Variants in TMEM178B observed in about 807,000 individuals in gnomAD.
The protein encoded by TMEM178B is transmembrane protein 178B.
Under a neutral mutation model 31.0 loss-of-function variants are expected in TMEM178B, and 5 were observed. That is an observed-to-expected ratio of 0.16 (90% CI 0.08 to 0.34). The LOEUF is 0.34. Ranked by LOEUF, TMEM178B falls within the 10% of genes least tolerant of loss-of-function variation. TMEM178B has a pLI of 1.00. For synonymous variants in TMEM178B, 164 were observed against 164.0 expected, an observed-to-expected ratio of 1.00 and a Z score of 0.00; for missense variants, 275 against 400.3, an observed-to-expected ratio of 0.69 and a Z score of 2.67.
chr7:141,460,963 G>T (rs770486463), intron 3 of TMEM178B, among the ~76,000 whole-genome samples: 1 of 152,202 alleles, frequency 6.6e-6, no homozygotes, highest in Non-Finnish European at 1.5e-5. Flanking sequence ...TGATGCAATC[G>T]TGTATAATTC....
chr7:141,391,803 A>G (rs1800547627), intron 2 of TMEM178B, among the ~76,000 whole-genome samples: 1 of 152,092 alleles, frequency 6.6e-6, no homozygotes, highest in Non-Finnish European at 1.5e-5. Context: ...TGAGTGGCTC[A>G]TTTCACTTAG....
intron 2 of TMEM178B, among the ~76,000 whole-genome samples, chr7:141,332,556 T>C (rs983834845): frequency 3.9e-5 from 6 of 152,364 alleles, no homozygotes; most frequent in South Asian, 4.1e-4. Flanking sequence ...CCTCATCATG[T>C]GAATGTCACG....
intron 2 of TMEM178B, among the ~76,000 whole-genome samples, chr7:141,227,096 G>C (rs1205602001): frequency 1.3e-5 from 2 of 152,184 alleles, no homozygotes; most frequent in Admixed American, 6.5e-5. Context: ...TGGGCAGTGA[G>C]AGAGACACCT....
rs187184341 is a variant in TMEM178B at position 141,414,331 on chromosome 7, G to A, written c.497-23277G>A. The A allele has an allele frequency of 2.3e-4, 4 of 17,480 alleles. 1 individual carries two copies. Among genetic ancestry groups the A allele is most frequent in the Non-Finnish European group, 3.7e-4 (4 of 10,746 alleles). The allele number at this position is 17,480 out of a possible 1,614,324, so 1.1% of individuals were successfully genotyped here. ...GATCTCCTGACCTTGTGATCCGCCC[G>A]CCTCGGCCTCCCAAAGTGCTGGGAT... On this transcript the variant is annotated intron_variant, in intron 2 of 3. Coordinates refer to ENST00000565468, the MANE Select transcript of TMEM178B (RefSeq NM_001195278.2).
intron 3 of TMEM178B, among the ~76,000 whole-genome samples, chr7:141,453,415 T>A (rs1801903819): frequency 6.6e-6 from 1 of 152,274 alleles, no homozygotes; most frequent in Non-Finnish European, 1.5e-5. Context: ...TATCACACTC[T>A]TAATTATCTG....
At chr7:141,499,464 CAAA>C in the TMEM178B span, among the ~76,000 whole-genome samples, 6 of 50,710 alleles carry the variant, frequency 1.2e-4, no homozygotes, top group Admixed American at 6.2e-4. Flanking sequence ...CACATCTCTA[CAAA>C]AAAAAAAAAA....
At chr7:141,241,115 G>A (rs1445781568) in intron 2 of TMEM178B, among the ~76,000 whole-genome samples, 1 of 149,296 alleles carries the variant, frequency 6.7e-6, no homozygotes, top group African/African-American at 2.5e-5. Flanking sequence ...CCCGTCACCC[G>A]AGTAGTGTAC....
At chr7:141,166,577 G>A (rs1796265440) in intron 1 of TMEM178B, among the ~76,000 whole-genome samples, 1 of 152,224 alleles carries the variant, frequency 6.6e-6, no homozygotes, top group Non-Finnish European at 1.5e-5. Flanking sequence ...CTACTGACAA[G>A]AGGGGATAGG....
rs1041691754 is a variant in TMEM178B, at chr7:141,476,797, A to C, written c.*6011A>C. The stretch of plus-strand genomic sequence containing the variant: ...GATCAAGTGTCCTTGTGAGGGTGAG[A>C]CTTCCTTCAAGGGAAGGGAAGCCAT... On this transcript the variant is annotated 3_prime_UTR_variant, in exon 4 of 4. Transcript: ENST00000565468. 1 of 154,258 alleles carries C rather than the reference A, an allele frequency of 6.5e-6. No homozygotes were observed. The allele number at this position is 154,258 out of a possible 1,614,324, so 9.6% of individuals were successfully genotyped here.
intron 2 of TMEM178B, among the ~76,000 whole-genome samples, chr7:141,377,108 T>C (rs1416561498): frequency 6.6e-6 from 1 of 152,076 alleles, no homozygotes; most frequent in South Asian, 2.1e-4. Flanking sequence ...GATTTTTAAT[T>C]TTTACTTGTC....
In TMEM178B at chr7:141,476,933, C is replaced by G. The variant is rs1802381300; in HGVS notation, c.*6147C>G. ...AACTGGGTCTGAACATGAAGAGTTG[C>G]ACAGCAGTAGTTCGAAGAAGCTGGC... On this transcript the variant is annotated 3_prime_UTR_variant, in exon 4 of 4. Transcript: ENST00000565468. 1 of 154,814 alleles carries G rather than the reference C, an allele frequency of 6.5e-6. No homozygotes were observed. The allele number at this position is 154,814 out of a possible 1,614,324, so 9.6% of individuals were successfully genotyped here. A position where few individuals can be genotyped will look rare whatever the true frequency, so the allele number is the denominator to read the frequency against.
chr7:141,510,561 T>G, the TMEM178B span, among the ~76,000 whole-genome samples: 3 of 151,256 alleles, frequency 2.0e-5, no homozygotes, highest in South Asian at 6.3e-4. Flanking sequence ...GGTGCATGCC[T>G]GTAATCCCAG....
At chr7:141,489,707 A>G in the TMEM178B span, among the ~76,000 whole-genome samples, 1,684 of 152,304 alleles carry the variant, frequency 0.011, 24 homozygotes, top group African/African-American at 0.038. Flanking sequence ...TACCAGCAGA[A>G]CAGAAGTAAA....
chr7:141,252,224 A>T (rs1563132133), intron 2 of TMEM178B, among the ~76,000 whole-genome samples: 1 of 152,118 alleles, frequency 6.6e-6, no homozygotes, highest in African/African-American at 2.4e-5. Context: ...CAGTCCATGG[A>T]TGGGAAGGTT....
chr7:141,384,806 A>C (rs1463980647), intron 2 of TMEM178B, among the ~76,000 whole-genome samples: 2 of 152,160 alleles, frequency 1.3e-5, no homozygotes, highest in Admixed American at 6.5e-5. Flanking sequence ...CTTTACTGGC[A>C]GAGTTACCCA....
At chr7:141,288,483 G>GA (rs534250227) in intron 2 of TMEM178B, among the ~76,000 whole-genome samples, 13,483 of 117,512 alleles carry the variant, frequency 0.11, 744 homozygotes, top group African/African-American at 0.19. Context: ...GGAAAAAAAT[G>GA]AAAAAAAAAA....
chr7:141,390,948 G>C (rs1189875003), intron 2 of TMEM178B, among the ~76,000 whole-genome samples: 1 of 152,162 alleles, frequency 6.6e-6, no homozygotes, highest in East Asian at 1.9e-4. Flanking sequence ...CACTCTGGTA[G>C]GGAGAATGAG....
intron 1 of TMEM178B, among the ~76,000 whole-genome samples, chr7:141,152,027 T>C (rs1166950293): frequency 6.6e-6 from 1 of 152,044 alleles, no homozygotes; most frequent in East Asian, 1.9e-4. Context: ...CTGTGACTCG[T>C]AGGGAGAGAG....
intron 2 of TMEM178B, among the ~76,000 whole-genome samples, chr7:141,371,153 T>G (rs1052115029): frequency 3.3e-5 from 5 of 152,194 alleles, no homozygotes; most frequent in Admixed American, 1.3e-4. Context: ...CCAAACCTCA[T>G]GTTGAAATTT....
Sources: gnomAD v4.1 joint callset for allele counts (sites outside exome capture counted in the v4.1 genomes callset) on GRCh38, gnomAD v4.1.1 for gene constraint, MANE v1.5 for transcripts, NCBI Gene and HGNC (gene_info 2026-07-23, HGNC 2026-07-21) for gene names.